Variants in SRRM4 observed in about 807,000 individuals in gnomAD.
SRRM4 encodes the protein serine/arginine repetitive matrix protein 4.
SRRM4 carries 33 observed loss-of-function variants against 68.9 expected under a neutral mutation model. The ratio of observed to expected loss-of-function variants is 0.48; its 90% CI spans 0.36 to 0.64. The LOEUF (loss-of-function observed/expected upper bound fraction) is 0.64, where lower values mean the gene tolerates loss of function less well. SRRM4 is among the 30% of genes least tolerant of loss of function. SRRM4 has a pLI of 0.00. For synonymous variants in SRRM4, 318 were observed against 318.8 expected (o/e 1.00, Z 0.03); for missense variants, 817 against 827.1 (o/e 0.99, Z 0.15).
intron 1 of SRRM4, among the ~76,000 whole-genome samples, chr12:119,074,103 G>T (rs1953894520): frequency 1.3e-5 from 2 of 148,682 alleles, no homozygotes; most frequent in African/African-American, 5.0e-5. Flanking sequence ...GGCAAGGGGT[G>T]GCAGTTTCAG....
intron 8 of SRRM4, among the ~76,000 whole-genome samples, chr12:119,140,087 A>C (rs1954355240): frequency 6.6e-6 from 1 of 152,146 alleles, no homozygotes; most frequent in South Asian, 2.1e-4. Context: ...AATTATTGCT[A>C]ATTCTGCCGG....
chr12:119,064,320 G>C (rs1358235904), intron 1 of SRRM4, among the ~76,000 whole-genome samples: 1 of 152,180 alleles, frequency 6.6e-6, no homozygotes, highest in Non-Finnish European at 1.5e-5. Flanking sequence ...TTTCAGTGCT[G>C]TTGCCAATGC....
chr12:119,009,256 C>G (rs1953434418), intron 1 of SRRM4, among the ~76,000 whole-genome samples: 1 of 151,960 alleles, frequency 6.6e-6, no homozygotes, highest in Middle Eastern at 3.4e-3. Flanking sequence ...GGGGACTGGA[C>G]GAGATCGGGA....
chr12:119,092,124 C>T (rs765067860), intron 1 of SRRM4, among the ~76,000 whole-genome samples: 3 of 152,198 alleles, frequency 2.0e-5, no homozygotes, highest in Non-Finnish European at 4.4e-5. Context: ...GGCTGGGGCA[C>T]TTCTATTGAG....
intron 1 of SRRM4, among the ~76,000 whole-genome samples, chr12:119,064,747 T>C (rs1169126813): frequency 6.6e-6 from 1 of 152,212 alleles, no homozygotes; most frequent in Admixed American, 6.5e-5. Flanking sequence ...TATAAATGTC[T>C]TATACTGATA....
At position 119,158,348 on chromosome 12, in the gene SRRM4, T is replaced by G. The variant is rs999031002; in HGVS notation, c.*1550T>G. ...TGGGGAAGCAAGGGCCAAACATTCT[T>G]TATCCCTCCCACCCCAGGGAAAACA... On this transcript the variant is annotated 3_prime_UTR_variant, in exon 13 of 13. Transcript: ENST00000267260. The G allele has an allele frequency of 1.2e-4, 18 of 152,856 alleles. No homozygotes were observed. Among genetic ancestry groups the G allele is most frequent in the African/African-American group, 4.3e-4 (18 of 41,580 alleles). 9.5% of individuals were successfully genotyped at this position (152,856 alleles called of 1,614,324 possible). A position where few individuals can be genotyped will look rare whatever the true frequency, so the allele number is the denominator to read the frequency against.
chr12:119,125,449 C>T lies in SRRM4; in HGVS notation c.584C>T (p.Ser195Leu), dbSNP rs747462196. Residue 195 changes from serine (S) to leucine (L), a missense_variant, in exon 7 of 13, where the codon TCG (serine) becomes TTG (leucine). By Grantham distance (145) the Ser-to-Leu change is moderately radical. Coordinates refer to ENST00000267260, the MANE Select transcript of SRRM4 (RefSeq NM_194286.4). ...HHRCPSRSQSSESRPSSCESR... is the reference protein window; with the variant it reads ...HHRCPSRSQSLESRPSSCESR... ...CGCTGCCCCTCGCGGTCCCAGAGCT[C>T]GGAGTCCCGCCCCTCAAGCTGTGAG... 2.9e-5 allele frequency: 46 copies of T among 1,612,506 alleles called. No individual in the cohort carries two copies. The South Asian group carries it at 4.5e-4, about 16-fold the overall frequency.
chr12:119,156,706 C>CGGAGCCGGAGCA lies in SRRM4; in HGVS notation c.1756_1767dup (p.Arg592_Ser595dup), dbSNP rs749880139. On this transcript the variant is annotated inframe_insertion, in exon 13 of 13. Transcript: ENST00000267260. ...CAGCCCTAGTCCGGGCTCCCGCAGC[C>CGGAGCCGGAGCA]GGAGCCGGAGCAGGAGCCGGAGCCG... The CGGAGCCGGAGCA allele has an allele frequency of 3.7e-5, 58 of 1,547,802 alleles. No individual in the cohort carries two copies. Among genetic ancestry groups the CGGAGCCGGAGCA allele is most frequent in the Middle Eastern group, 4.1e-4 (2 of 4,832 alleles).
At chr12:119,078,025 C>T (rs560892304) in intron 1 of SRRM4, among the ~76,000 whole-genome samples, 1 of 120,420 alleles carries the variant, frequency 8.3e-6, no homozygotes, top group East Asian at 2.0e-4. Context: ...GCATATCCAG[C>T]TGAGGTCTTA....
At chr12:119,105,189 T>C (rs943960877) in intron 2 of SRRM4, among the ~76,000 whole-genome samples, 15 of 152,204 alleles carry the variant, frequency 9.9e-5, no homozygotes, top group East Asian at 9.7e-4. Context: ...ATGGTGTATA[T>C]GTGCCACACT....
intron 8 of SRRM4, among the ~76,000 whole-genome samples, chr12:119,135,858 G>A (rs1445534913): frequency 6.6e-6 from 1 of 152,122 alleles, no homozygotes; most frequent in Non-Finnish European, 1.5e-5. Flanking sequence ...CCTCCTCTGT[G>A]CCATTTCACG....
intron 1 of SRRM4, among the ~76,000 whole-genome samples, chr12:118,988,818 A>G (rs566422369): frequency 2.6e-5 from 4 of 152,322 alleles, no homozygotes; most frequent in African/African-American, 7.2e-5. Flanking sequence ...GTAAAGAACA[A>G]TAAAGCCAAG....
chr12:119,152,277 A>G (rs1954444907), intron 10 of SRRM4, among the ~76,000 whole-genome samples: 1 of 152,240 alleles, frequency 6.6e-6, no homozygotes, highest in Admixed American at 6.5e-5. Context: ...AAATGAGACA[A>G]GGCAACTGAT....
At chr12:118,999,066 C>T (rs746215293) in intron 1 of SRRM4, among the ~76,000 whole-genome samples, 7 of 152,152 alleles carry the variant, frequency 4.6e-5, no homozygotes, top group Non-Finnish European at 7.3e-5. Context: ...ATCAGGAAGA[C>T]AAAATGAAGA....
At chr12:119,068,060 C>T (rs1311517767) in intron 1 of SRRM4, among the ~76,000 whole-genome samples, 3 of 152,224 alleles carry the variant, frequency 2.0e-5, no homozygotes, top group Admixed American at 6.5e-5. Flanking sequence ...CAAGTGGGGA[C>T]AGAGCCCAGG....
In SRRM4 at chr12:119,114,362, G is replaced by A; in HGVS notation, c.363G>A (p.Arg121=). Reference sequence around the variant, plus strand: ...AGAAATCCACTCGGAAGAAGAGAAGGAGGTAAGAGCACCAAGAGGGAGATA... The same window carrying A: ...AGAAATCCACTCGGAAGAAGAGAAGAAGGTAAGAGCACCAAGAGGGAGATA... ...KKKKSTRKKR[R]RSSSYSPSPV... The change falls in exon 3 of 13, where the codon AGG becomes AGA. Residue 121 remains arginine (R), a splice_region_variant and synonymous_variant. Transcript: ENST00000267260. 3 of 1,604,668 alleles carry A rather than the reference G, an allele frequency of 1.9e-6. No individual in the cohort carries two copies. Among genetic ancestry groups the A allele is most frequent in the Non-Finnish European group, 2.6e-6 (3 of 1,175,288 alleles).
intron 1 of SRRM4, 43 bp downstream of exon 1, chr12:118,982,056 C>T (rs1953251148): frequency 1.3e-6 from 2 of 1,571,766 alleles, no homozygotes; most frequent in Admixed American, 3.7e-5. Flanking sequence ...GAAGGTCCTC[C>T]TTTCTGGCCT....
intron 1 of SRRM4, among the ~76,000 whole-genome samples, chr12:119,007,711 T>A (rs954314930): frequency 6.6e-6 from 1 of 152,156 alleles, no homozygotes; most frequent in African/African-American, 2.4e-5. Flanking sequence ...GAACTTGAAT[T>A]TTGGTCTTGG....
intron 1 of SRRM4, among the ~76,000 whole-genome samples, chr12:119,043,841 C>A (rs1290583912): frequency 6.6e-6 from 1 of 150,476 alleles, no homozygotes. Context: ...CCTTGAGGAC[C>A]CACTGGCTAG....
Sources: allele counts gnomAD v4.1 joint callset (sites outside exome capture counted in the v4.1 genomes callset), GRCh38; gene constraint gnomAD v4.1.1; transcripts MANE v1.5; gene names NCBI Gene and HGNC (gene_info 2026-07-23, HGNC 2026-07-21).